The following BCAS3 variants were observed in gnomAD, a reference collection of about 807,000 sequenced individuals.
The protein encoded by BCAS3 is BCAS4/BCAS3 fusion.
A neutral mutation model predicts 116.1 loss-of-function variants in BCAS3; 53 were observed. The observed-to-expected ratio is 0.46, with a 90% CI of 0.37 to 0.57. BCAS3 has a LOEUF of 0.57. Ranked by LOEUF, BCAS3 falls within the 20% of genes least tolerant of loss-of-function variation. The pLI, the probability that BCAS3 is intolerant of heterozygous loss-of-function variation, is 0.00. For synonymous variants in BCAS3, 391 were observed against 408.2 expected, an observed-to-expected ratio of 0.96 and a Z score of 0.51; for missense variants, 917 against 1,165.4, an observed-to-expected ratio of 0.79 and a Z score of 3.10.
intron 19 of BCAS3, among the ~76,000 whole-genome samples, chr17:61,046,084 A>ATATATATAATATATATATT (rs2068293376): frequency 5.5e-5 from 2 of 36,530 alleles, no homozygotes; most frequent in African/African-American, 5.0e-4. Flanking sequence ...ATATATATTT[A>ATATATATAATATATATATT]TATATATATA....
chr17:60,727,104 G>T, intron 5 of BCAS3: 1 of 416,556 alleles, frequency 2.4e-6, no homozygotes. Context: ...TTTTCTCTCA[G>T]GTAATTTTTC....
intron 7 of BCAS3, among the ~76,000 whole-genome samples, chr17:60,826,637 C>G (rs754844785): frequency 1.6e-4 from 25 of 152,164 alleles, no homozygotes; most frequent in Non-Finnish European, 3.4e-4. Flanking sequence ...AAATGGGGTT[C>G]TCTCCCTAAC....
At chr17:61,164,025 C>T (rs1368792723) in intron 22 of BCAS3, among the ~76,000 whole-genome samples, 5 of 147,856 alleles carry the variant, frequency 3.4e-5, no homozygotes, top group Admixed American at 6.7e-5. Context: ...AAAAAAAAAC[C>T]TCAAATAAAT....
intron 22 of BCAS3, among the ~76,000 whole-genome samples, chr17:61,338,422 G>C (rs1462629413): frequency 7.1e-6 from 1 of 141,742 alleles, no homozygotes; most frequent in Non-Finnish European, 1.6e-5. Flanking sequence ...TTATATAAAA[G>C]ATTGTGTGGG....
At chr17:61,209,283 G>A (rs8068952) in intron 22 of BCAS3, among the ~76,000 whole-genome samples, 3 of 151,708 alleles carry the variant, frequency 2.0e-5, no homozygotes, top group South Asian at 2.1e-4. Flanking sequence ...AATTTAAAAA[G>A]ATTTGTAGGC....
At chr17:60,747,153 A>AC in intron 5 of BCAS3, 45 bp from the exon 6 acceptor site, 1 of 1,338,916 alleles carries the variant, frequency 7.5e-7, no homozygotes, top group Non-Finnish European at 1.1e-6. Flanking sequence ...TACTGTTGTG[A>AC]CCTTCATTTT....
intron 7 of BCAS3, among the ~76,000 whole-genome samples, chr17:60,829,366 C>T (rs562660669): frequency 9.9e-5 from 15 of 151,792 alleles, no homozygotes; most frequent in South Asian, 8.3e-4. Context: ...TGGTGGTTTG[C>T]GCCTGTAATC....
intron 22 of BCAS3, among the ~76,000 whole-genome samples, chr17:61,167,529 ACAATCTAG>A (rs2078582288): frequency 1.3e-5 from 2 of 152,236 alleles, no homozygotes; most frequent in Non-Finnish European, 2.9e-5. Flanking sequence ...AGCTTCTGAC[ACAATCTAG>A]CAGATGTCTG....
At position 61,007,266 on chromosome 17, in the gene BCAS3, T is replaced by C. The variant is rs1304135730; in HGVS notation, c.1487-8485T>C. On this transcript the variant is annotated intron_variant, in intron 15 of 23. Coordinates refer to ENST00000407086, the MANE Select transcript of BCAS3 (RefSeq NM_017679.5). The surrounding 1 kb of genome is among the most constrained non-coding windows in gnomAD (Gnocchi z 4.3). ...CCTTTTCTAGGGAATTTTTGCCTCC[T>C]AAGTTTTCAATATTCCTTGTTCTAG... 6.6e-6 allele frequency among the ~76,000 whole-genome samples: 1 copy of C among 152,072 alleles called. No individual in the cohort carries two copies. The highest frequency in any genetic ancestry group is 1.5e-5 in the Non-Finnish European group (1 of 67,946).
intron 6 of BCAS3, among the ~76,000 whole-genome samples, chr17:60,749,655 C>T (rs1466558535): frequency 6.6e-6 from 1 of 152,082 alleles, no homozygotes; most frequent in Admixed American, 6.6e-5. Flanking sequence ...ACTATTACTT[C>T]TATTGAACAA....
chr17:61,026,513 A>G lies in BCAS3; in HGVS notation c.1638-8153A>G, dbSNP rs1356656979. Among the ~76,000 whole-genome samples the G allele has an allele frequency of 1.3e-5, 2 of 152,040 alleles. No individual in the cohort carries two copies. Among genetic ancestry groups the G allele is most frequent in the African/African-American group, 2.4e-5 (1 of 41,432 alleles). On this transcript the variant is annotated intron_variant, in intron 16 of 23. Coordinates refer to ENST00000407086, the MANE Select transcript of BCAS3 (RefSeq NM_017679.5). This position sits in a 1 kb window ranked among gnomAD's most constrained non-coding sequence, Gnocchi z 5.0. The stretch of plus-strand genomic sequence containing the variant: ...GTCACATAGCTACACATTTGTTGCT[A>G]TTGATCTCACTCTTCTCCATCTGGT...
At chr17:61,086,854 G>C (rs997752863) in intron 22 of BCAS3, 1 of 985,102 alleles carries the variant, frequency 1.0e-6, no homozygotes, top group Non-Finnish European at 1.2e-6. Context: ...CCTCTCAATT[G>C]GTTCAGATCC....
At position 61,366,575 on chromosome 17, in the gene BCAS3, T is replaced by C. The variant is rs578176159; in HGVS notation, c.2426-1752T>C. On this transcript the variant is annotated intron_variant, in intron 22 of 23. Transcript: ENST00000407086. The surrounding 1 kb of genome is among the most constrained non-coding windows in gnomAD (Gnocchi z 4.5). ...CACAGTTCAGGCCTTGGGAGAATTATCTGACACCCAGCCGTGCACCCCCAT... is the reference window on the plus strand; with the variant it reads ...CACAGTTCAGGCCTTGGGAGAATTACCTGACACCCAGCCGTGCACCCCCAT... Among the ~76,000 whole-genome samples the C allele has an allele frequency of 1.3e-5, 2 of 152,300 alleles. No individual in the cohort carries two copies. The highest frequency in any genetic ancestry group is 4.1e-4 in the South Asian group (2 of 4,830).
At chr17:61,003,399 C>T (rs1265347421) in intron 15 of BCAS3, among the ~76,000 whole-genome samples, 2 of 141,776 alleles carry the variant, frequency 1.4e-5, no homozygotes, top group African/African-American at 5.2e-5. Context: ...CCTCCCCTCC[C>T]CTCCCCTTCC....
At chr17:60,952,186 G>C (rs1390768625) in intron 14 of BCAS3, among the ~76,000 whole-genome samples, 3 of 151,914 alleles carry the variant, frequency 2.0e-5, no homozygotes, top group Non-Finnish European at 4.4e-5. Context: ...TGCTTTTTGT[G>C]TTCTTGTTGC....
intron 22 of BCAS3, among the ~76,000 whole-genome samples, chr17:61,262,382 C>CT (rs35793672): frequency 4.9e-5 from 7 of 143,508 alleles, no homozygotes; most frequent in African/African-American, 7.6e-5. Context: ...GATAGGGAGA[C>CT]TTTTTTTTTT....
chr17:61,012,668 G>T lies in BCAS3; in HGVS notation c.1487-3083G>T, dbSNP rs1196929425. Among the ~76,000 whole-genome samples the T allele has an allele frequency of 1.3e-5, 2 of 152,008 alleles. No homozygotes were observed. The highest frequency in any genetic ancestry group is 2.9e-5 in the Non-Finnish European group (2 of 67,944). ...TTACTTTGCTCTCTCAGATGTGCTG[G>T]TTTCAAATGGACTCTACAGCATAAA... On this transcript the variant is annotated intron_variant, in intron 15 of 23. Transcript: ENST00000407086. This position sits in a 1 kb window ranked among gnomAD's most constrained non-coding sequence, Gnocchi z 4.5.
At chr17:60,750,415 T>G (rs1251793031) in intron 6 of BCAS3, among the ~76,000 whole-genome samples, 1 of 152,176 alleles carries the variant, frequency 6.6e-6, no homozygotes, top group Non-Finnish European at 1.5e-5. Flanking sequence ...GCTTTCCTGC[T>G]GAGTTCAGGA....
chr17:61,296,886 A>G (rs1015026026), intron 22 of BCAS3, among the ~76,000 whole-genome samples: 1 of 152,216 alleles, frequency 6.6e-6, no homozygotes, highest in African/African-American at 2.4e-5. Flanking sequence ...TGTAGGAGAA[A>G]TAAAGGGCTG....
Sources: allele counts gnomAD v4.1 joint callset (sites outside exome capture counted in the v4.1 genomes callset), GRCh38; gene constraint gnomAD v4.1.1; non-coding constraint Gnocchi (gnomAD v3.1); transcripts MANE v1.5; gene names NCBI Gene and HGNC (gene_info 2026-07-23, HGNC 2026-07-21).